Variants in REC114 observed in about 807,000 individuals in gnomAD.
REC114 encodes meiotic recombination protein REC114.
In REC114, 27 loss-of-function variants were observed where a neutral mutation model predicts 31.3. The observed-to-expected ratio is 0.86, with a 90% CI of 0.64 to 1.19. The LOEUF (loss-of-function observed/expected upper bound fraction) is 1.19. REC114 is among the 50% of genes most tolerant of loss of function. REC114 has a pLI of 0.00. For synonymous variants in REC114, 134 were observed against 127.7 expected, an observed-to-expected ratio of 1.05 and a Z score of -0.33; for missense variants, 344 against 326.9, an observed-to-expected ratio of 1.05 and a Z score of -0.40.
chr15:73,490,885 C>T (rs1893432281), intron 2 of REC114, among the ~76,000 whole-genome samples: 2 of 152,238 alleles, frequency 1.3e-5, no homozygotes, highest in South Asian at 4.2e-4. Context: ...TGCTTTCTGG[C>T]ACTACAGATT....
rs759796022 is a variant in REC114, at chr15:73,443,332, C to T, written c.147C>T (p.Cys49=). ...GCCTGGAAGCTGGGACAGCCCCCTG[C>T]CCCACATGGAAGGTGAGGCCCGAAG... ...GPCLEAGTAP[C]PTWKVFDSNE... is the part of the protein sequence containing the mutation. The change falls in exon 1 of 6, where the codon TGC becomes TGT. Residue 49 remains cysteine (C), a synonymous_variant. Coordinates refer to ENST00000331090, the MANE Select transcript of REC114 (RefSeq NM_001042367.2). The T allele has an allele frequency of 1.6e-5, 25 of 1,578,212 alleles. No homozygotes were observed. The South Asian group carries it at 2.6e-4, about 16-fold the overall frequency.
intron 1 of REC114, 86 bp from the exon 2 acceptor site, chr15:73,473,746 G>C (rs1567858642): frequency 1.4e-6 from 1 of 728,682 alleles, no homozygotes; most frequent in Non-Finnish European, 2.2e-6. Context: ...ATCAATATGA[G>C]AAAACACTTG....
intron 1 of REC114, among the ~76,000 whole-genome samples, chr15:73,459,870 G>A (rs1892966295): frequency 6.6e-6 from 1 of 152,206 alleles, no homozygotes; most frequent in African/African-American, 2.4e-5. Context: ...GGTAGAATAA[G>A]GGTGGATAGG....
intron 2 of REC114, among the ~76,000 whole-genome samples, chr15:73,534,282 G>T (rs559722686): frequency 2.6e-5 from 4 of 152,014 alleles, no homozygotes; most frequent in African/African-American, 9.7e-5. Flanking sequence ...TTGATAGACC[G>T]CTAGCAAGAC....
intron 1 of REC114, among the ~76,000 whole-genome samples, chr15:73,465,815 C>T (rs1893049034): frequency 1.3e-5 from 2 of 152,244 alleles, no homozygotes; most frequent in Middle Eastern, 6.8e-3. Context: ...AAATCCACAA[C>T]TATTTAGCCC....
intron 2 of REC114, among the ~76,000 whole-genome samples, chr15:73,486,345 C>T (rs1465464527): frequency 1.3e-5 from 2 of 152,154 alleles, no homozygotes; most frequent in Non-Finnish European, 2.9e-5. Flanking sequence ...ATCTGCCCGT[C>T]TTGGCCTCCC....
chr15:73,493,401 A>G (rs1180178964), intron 2 of REC114, among the ~76,000 whole-genome samples: 1 of 151,998 alleles, frequency 6.6e-6, no homozygotes, highest in Non-Finnish European at 1.5e-5. Context: ...ATTTACTTCT[A>G]TTTCCAGTTT....
intron 2 of REC114, among the ~76,000 whole-genome samples, chr15:73,494,916 G>A (rs1022224976): frequency 2.0e-5 from 3 of 152,174 alleles, no homozygotes; most frequent in Non-Finnish European, 4.4e-5. Flanking sequence ...GACCCGAAGG[G>A]CTTATCTAGC....
intron 1 of REC114, among the ~76,000 whole-genome samples, chr15:73,444,533 G>T (rs983534938): frequency 1.3e-5 from 2 of 152,150 alleles, no homozygotes; most frequent in Non-Finnish European, 1.5e-5. Flanking sequence ...TAGCAATTCA[G>T]TCCCATCTTC....
chr15:73,466,879 C>T (rs931387520), intron 1 of REC114, among the ~76,000 whole-genome samples: 1 of 152,190 alleles, frequency 6.6e-6, no homozygotes, highest in African/African-American at 2.4e-5. Flanking sequence ...TCTTTACAAT[C>T]ACTGTGCTAT....
chr15:73,451,082 A>G (rs749369614), intron 1 of REC114, among the ~76,000 whole-genome samples: 3 of 152,208 alleles, frequency 2.0e-5, no homozygotes, highest in Non-Finnish European at 4.4e-5. Flanking sequence ...AGAACTAGAG[A>G]AGCAAGAGCA....
chr15:73,515,564 G>A (rs1893847633), intron 2 of REC114, among the ~76,000 whole-genome samples: 5 of 152,120 alleles, frequency 3.3e-5, no homozygotes, highest in Admixed American at 3.3e-4. Flanking sequence ...CCTTTGGGAG[G>A]TAATTAGGTT....
intron 2 of REC114, among the ~76,000 whole-genome samples, chr15:73,530,208 T>C (rs1894058766): frequency 6.6e-6 from 1 of 152,226 alleles, no homozygotes; most frequent in South Asian, 2.1e-4. Flanking sequence ...AAGCACAATA[T>C]TGTATGTTTC....
intron 1 of REC114, among the ~76,000 whole-genome samples, chr15:73,463,265 TTC>T (rs1298833838): frequency 3.3e-5 from 5 of 152,204 alleles, no homozygotes; most frequent in Non-Finnish European, 2.9e-5. Context: ...TCTACAGAGT[TTC>T]TCAGTCTGGA....
intron 2 of REC114, among the ~76,000 whole-genome samples, chr15:73,524,181 A>G (rs984098368): frequency 6.6e-6 from 1 of 152,230 alleles, no homozygotes; most frequent in African/African-American, 2.4e-5. Context: ...TTAGAGCAAC[A>G]TGGATTTTGC....
chr15:73,551,288 T>G, intron 4 of REC114, 138 bp downstream of exon 4: 4 of 861,148 alleles, frequency 4.6e-6, no homozygotes, highest in Non-Finnish European at 7.2e-6. Flanking sequence ...CTTTTTAAAA[T>G]TGAGGTCGAT....
At chr15:73,524,888 T>G (rs1319234155) in intron 2 of REC114, among the ~76,000 whole-genome samples, 1 of 152,194 alleles carries the variant, frequency 6.6e-6, no homozygotes, top group African/African-American at 2.4e-5. Context: ...CATGAGCCAC[T>G]GTGCCTGGCC....
chr15:73,488,558 C>T (rs945557218), intron 2 of REC114, among the ~76,000 whole-genome samples: 1 of 152,182 alleles, frequency 6.6e-6, no homozygotes, highest in Non-Finnish European at 1.5e-5. Context: ...TTAAATTCTG[C>T]CTTCCTCAAA....
intron 4 of REC114, among the ~76,000 whole-genome samples, chr15:73,551,453 T>TA (rs1400897483): frequency 3.3e-5 from 5 of 152,126 alleles, no homozygotes; most frequent in African/African-American, 1.2e-4. Context: ...TTTTTCTTAA[T>TA]ATTTAAAGAA....
Sources: allele counts gnomAD v4.1 joint callset (sites outside exome capture counted in the v4.1 genomes callset), GRCh38; gene constraint gnomAD v4.1.1; transcripts MANE v1.5; gene names NCBI Gene and HGNC (gene_info 2026-07-23, HGNC 2026-07-21).